DAB1: variants seen among roughly 807,000 people sequenced by gnomAD.
DAB1 encodes the protein disabled homolog 1.
DAB1 carries 15 observed loss-of-function variants against 64.6 expected under a neutral mutation model. The observed-to-expected ratio is 0.23, with a 90% CI of 0.16 to 0.36. DAB1 has a LOEUF of 0.36. DAB1 is among the 10% of genes least tolerant of loss of function. The pLI is 1.00. For missense variants in DAB1, 596 were observed against 706.7 expected (o/e 0.84, Z 1.78); for synonymous variants, 235 against 251.9 (o/e 0.93, Z 0.64).
chr1:57,966,687 GA>G (rs1429131474), intron 5 of DAB1, among the ~76,000 whole-genome samples: 1 of 152,130 alleles, frequency 6.6e-6, no homozygotes, highest in African/African-American at 2.4e-5. Context: ...ATGCCAAGGA[GA>G]TTTTTTTTGA....
intron 4 of DAB1, among the ~76,000 whole-genome samples, chr1:58,175,080 C>A (rs567328895): frequency 6.6e-6 from 1 of 152,220 alleles, no homozygotes; most frequent in Non-Finnish European, 1.5e-5. Context: ...CTCCATTCTG[C>A]GGAAGCTTTG....
chr1:58,125,290 A>G (rs1652993663), intron 5 of DAB1, among the ~76,000 whole-genome samples: 1 of 152,204 alleles, frequency 6.6e-6, no homozygotes, highest in Non-Finnish European at 1.5e-5. Context: ...GTTCAGTTGC[A>G]TTTAAAATTC....
chr1:57,581,046 G>A (rs913378978), intron 7 of DAB1, among the ~76,000 whole-genome samples: 2 of 152,194 alleles, frequency 1.3e-5, no homozygotes, highest in Non-Finnish European at 2.9e-5. Context: ...CCTGTGTGTG[G>A]GGCCCTCTCT....
chr1:58,356,439 T>C (rs979452851), intron 3 of DAB1, among the ~76,000 whole-genome samples: 1 of 152,190 alleles, frequency 6.6e-6, no homozygotes, highest in Admixed American at 6.5e-5. Flanking sequence ...GTCAGTGTTG[T>C]GTACTATGCA....
intron 3 of DAB1, among the ~76,000 whole-genome samples, chr1:58,437,750 C>G (rs1644961518): frequency 6.6e-6 from 1 of 152,220 alleles, no homozygotes; most frequent in Non-Finnish European, 1.5e-5. Flanking sequence ...TGTTGTGGGC[C>G]TGCCGCACCC....
At chr1:57,450,592 T>C (rs1296400561) in intron 7 of DAB1, among the ~76,000 whole-genome samples, 1 of 152,232 alleles carries the variant, frequency 6.6e-6, no homozygotes, top group Non-Finnish European at 1.5e-5. Flanking sequence ...TCACAGGCTA[T>C]ACAAATGTAA....
intron 2 of DAB1, among the ~76,000 whole-genome samples, chr1:58,508,492 A>G (rs1436655426): frequency 1.3e-5 from 2 of 152,186 alleles, no homozygotes; most frequent in South Asian, 4.1e-4. Flanking sequence ...CAAACCTGGT[A>G]GAAGACTGGA....
chr1:57,139,089 C>G lies in DAB1; in HGVS notation c.208-2448G>C, dbSNP rs2100804133. Among the ~76,000 whole-genome samples the G allele has an allele frequency of 2.0e-5, 3 of 152,200 alleles. No homozygotes were observed. In the East Asian group the frequency reaches 5.8e-4, roughly 29 times the overall value. The stretch of plus-strand genomic sequence containing the variant: ...ACCCCAATCTTCAATCTCAGCTATC[C>G]AGGATACATACAAATCAGAAAAATA... On this transcript the variant is annotated intron_variant, in intron 3 of 14. Transcript: ENST00000371236.
Position 57,412,901 on chromosome 1 carries a change from A to G in DAB1, c.-137+11029T>C, listed in dbSNP as rs148768064. 6.6e-5 allele frequency among the ~76,000 whole-genome samples: 10 copies of G among 152,350 alleles called. No homozygotes were observed. The East Asian group carries it at 1.9e-3, about 29-fold the overall frequency. Reference sequence around the variant, plus strand: ...ACATAACAAATTTTCAATGTAGACAAAACAGCCTTATATTGGAAGAAGGTG... The same window carrying G: ...ACATAACAAATTTTCAATGTAGACAGAACAGCCTTATATTGGAAGAAGGTG... On this transcript the variant is annotated intron_variant, in intron 1 of 14. Transcript: ENST00000371236.
At chr1:57,172,044 C>G (rs1010407121) in intron 2 of DAB1, among the ~76,000 whole-genome samples, 1 of 152,068 alleles carries the variant, frequency 6.6e-6, no homozygotes, top group Non-Finnish European at 1.5e-5. Context: ...TGATGGGTAG[C>G]TGGCAATCTT....
At chr1:57,286,517 A>G (rs1672327687) in intron 2 of DAB1, among the ~76,000 whole-genome samples, 1 of 152,230 alleles carries the variant, frequency 6.6e-6, no homozygotes, top group African/African-American at 2.4e-5. Flanking sequence ...TCAGTTGTTA[A>G]TAGTAGTTAT....
At chr1:57,610,809 G>A (rs184699381) in intron 7 of DAB1, among the ~76,000 whole-genome samples, 48 of 152,284 alleles carry the variant, frequency 3.2e-4, no homozygotes, top group African/African-American at 1.1e-3. Flanking sequence ...CTTCCCATGA[G>A]GTCCGTTTCT....
intron 3 of DAB1, among the ~76,000 whole-genome samples, chr1:58,474,915 A>C (rs1216442172): frequency 6.6e-6 from 1 of 152,182 alleles, no homozygotes; most frequent in Non-Finnish European, 1.5e-5. Flanking sequence ...AGAATAAAAC[A>C]TGCCTCACGG....
At chr1:57,226,061 AGTCCCTTTCACT>A (rs1667238276) in intron 2 of DAB1, among the ~76,000 whole-genome samples, 1 of 152,016 alleles carries the variant, frequency 6.6e-6, no homozygotes, top group African/African-American at 2.4e-5. Context: ...ACTCCTTCTC[AGTCCCTTTCACT>A]GGTTCCTCTT....
At chr1:58,318,259 GATACTCCTGGAGTCCAC>G (rs1277258334) in intron 4 of DAB1, among the ~76,000 whole-genome samples, 1 of 152,202 alleles carries the variant, frequency 6.6e-6, no homozygotes, top group Non-Finnish European at 1.5e-5. Context: ...GGAGGAGACA[GATACTCCTGGAGTCCAC>G]ATGGTTCTTT....
intron 1 of DAB1, among the ~76,000 whole-genome samples, chr1:57,852,633 A>G (rs1653581717): frequency 6.6e-6 from 1 of 152,026 alleles, no homozygotes; most frequent in South Asian, 2.1e-4. Context: ...TGTGACACAC[A>G]TTGATAAGCC....
intron 2 of DAB1, among the ~76,000 whole-genome samples, chr1:57,261,165 T>C (rs1670152518): frequency 6.6e-6 from 1 of 152,082 alleles, no homozygotes; most frequent in South Asian, 2.1e-4. Flanking sequence ...CTCTGGAGCC[T>C]GCAGCCACCC....
chr1:57,934,538 C>T (rs1644999078), intron 5 of DAB1, among the ~76,000 whole-genome samples: 1 of 152,120 alleles, frequency 6.6e-6, no homozygotes, highest in Admixed American at 6.5e-5. Flanking sequence ...CAGGAACTAG[C>T]ATTTATTCAG....
At chr1:58,198,079 A>T (rs1187097155) in intron 4 of DAB1, among the ~76,000 whole-genome samples, 1 of 152,244 alleles carries the variant, frequency 6.6e-6, no homozygotes, top group African/African-American at 2.4e-5. Context: ...AAATGCCACC[A>T]TTTCACTGAA....
Sources: gnomAD v4.1 joint callset for allele counts (sites outside exome capture counted in the v4.1 genomes callset) on GRCh38, gnomAD v4.1.1 for gene constraint, MANE v1.5 for transcripts, NCBI Gene and HGNC (gene_info 2026-07-23, HGNC 2026-07-21) for gene names.